The following TAMM41 variants were observed in gnomAD, a reference collection of about 807,000 sequenced individuals.
TAMM41 encodes the protein TAM41 mitochondrial translocator assembly and maintenance homolog.
Under a neutral mutation model 44.1 loss-of-function variants are expected in TAMM41, and 36 were observed. That is an observed-to-expected ratio of 0.82 (90% CI 0.63 to 1.08). The LOEUF is 1.08. Ranked by LOEUF, TAMM41 falls within the 50% of genes least tolerant of loss-of-function variation. The probability of loss-of-function intolerance (pLI) is 0.00; values close to 1 mark genes in which losing one functional copy is unlikely to be tolerated. For missense variants in TAMM41, 417 were observed against 404.3 expected (o/e 1.03, Z -0.27); for synonymous variants, 164 against 153.1 (o/e 1.07, Z -0.53).
intron 7 of TAMM41, among the ~76,000 whole-genome samples, chr3:11,803,061 C>T (rs1044671671): frequency 3.3e-5 from 5 of 152,214 alleles, no homozygotes; most frequent in African/African-American, 1.2e-4. Context: ...CACTTGAGAT[C>T]AGGAATTCAA....
chr3:11,764,486 C>CTTTTTTTTTTTTTTTTTTTTTTTTT, the TAMM41 span, among the ~76,000 whole-genome samples: 4 of 68,138 alleles, frequency 5.9e-5, 1 homozygote, highest in African/African-American at 2.7e-4. Flanking sequence ...TAATCTTATT[C>CTTTTTTTTTTTTTTTTTTTTTTTTT]TTTTTTTTTT....
At chr3:11,732,893 G>A in the TAMM41 span, among the ~76,000 whole-genome samples, 7 of 152,138 alleles carry the variant, frequency 4.6e-5, no homozygotes, top group Admixed American at 3.3e-4. Context: ...GAAAAACCTG[G>A]GAAGTGGTCT....
At chr3:11,790,655 T>C in intron 7 of TAMM41, 74 bp from the exon 8 acceptor site, 1 of 1,334,128 alleles carries the variant, frequency 7.5e-7, no homozygotes. Context: ...AGTGACATTC[T>C]GAGCAGACTT....
intron 4 of TAMM41, among the ~76,000 whole-genome samples, chr3:11,829,280 G>T (rs1419298889): frequency 6.6e-6 from 1 of 152,138 alleles, no homozygotes; most frequent in Non-Finnish European, 1.5e-5. Context: ...TCAACTGTCT[G>T]GGGTAGGGCC....
At chr3:11,732,256 TTTCC>T in the TAMM41 span, among the ~76,000 whole-genome samples, 1 of 152,166 alleles carries the variant, frequency 6.6e-6, no homozygotes, top group East Asian at 1.9e-4. Flanking sequence ...TCTTTCCCTT[TTTCC>T]TTCCTTCCTC....
the TAMM41 span, among the ~76,000 whole-genome samples, chr3:11,753,095 T>C: frequency 6.6e-6 from 1 of 151,760 alleles, no homozygotes. Flanking sequence ...GATGAAGTGA[T>C]GGGGGAATGG....
the TAMM41 span, among the ~76,000 whole-genome samples, chr3:11,752,374 G>C: frequency 6.6e-6 from 1 of 152,050 alleles, no homozygotes; most frequent in Non-Finnish European, 1.5e-5. Flanking sequence ...CTGGTGGGGG[G>C]TGGCCAGCTT....
the TAMM41 span, among the ~76,000 whole-genome samples, chr3:11,742,915 C>T: frequency 1.3e-5 from 2 of 152,022 alleles, no homozygotes; most frequent in Non-Finnish European, 2.9e-5. Flanking sequence ...TTTTTGAACC[C>T]CTTCCTATGA....
At chr3:11,744,270 G>A in the TAMM41 span, among the ~76,000 whole-genome samples, 1 of 151,966 alleles carries the variant, frequency 6.6e-6, no homozygotes, top group Non-Finnish European at 1.5e-5. Context: ...ATTTCCCCAT[G>A]TTGGCCAAGC....
the TAMM41 span, among the ~76,000 whole-genome samples, chr3:11,738,395 GT>G: frequency 6.6e-6 from 1 of 152,190 alleles, no homozygotes; most frequent in Non-Finnish European, 1.5e-5. Flanking sequence ...TTTTAGGAAA[GT>G]TGTATTAAAC....
chr3:11,817,870 T>C (rs1057390308), intron 4 of TAMM41, among the ~76,000 whole-genome samples: 33 of 152,334 alleles, frequency 2.2e-4, no homozygotes, highest in African/African-American at 7.7e-4. Context: ...TAAGATGAAA[T>C]TGAAAACAGA....
intron 4 of TAMM41, among the ~76,000 whole-genome samples, chr3:11,817,660 C>T (rs1050216409): frequency 1.3e-5 from 2 of 152,168 alleles, no homozygotes; most frequent in African/African-American, 4.8e-5. Flanking sequence ...AAAGTCTTGT[C>T]TTATGGGCCA....
At chr3:11,739,664 T>C in the TAMM41 span, among the ~76,000 whole-genome samples, 2 of 70,564 alleles carry the variant, frequency 2.8e-5, no homozygotes. Flanking sequence ...AGAACAAGAC[T>C]CCATCTCAAA....
At chr3:11,805,935 T>C (rs954563490) in intron 7 of TAMM41, among the ~76,000 whole-genome samples, 2 of 152,326 alleles carry the variant, frequency 1.3e-5, no homozygotes. Context: ...GGTAATTGAA[T>C]CACGAAGGCA....
the TAMM41 span, among the ~76,000 whole-genome samples, chr3:11,768,018 G>A: frequency 9.2e-5 from 14 of 151,420 alleles, no homozygotes; most frequent in East Asian, 3.9e-4. Context: ...GGGGTGAATA[G>A]GTGTGAAGTG....
rs143393134 is a variant in TAMM41 at position 11,810,004 on chromosome 3, T to C, written c.709-322A>G. On this transcript the variant is annotated intron_variant, in intron 5 of 7. Transcript: ENST00000455809. ...TCTTAAATCCAGCAGTCAAAGGAAG[T>C]GGTGCTGCAGTTGACACTCGTGGAG... is the stretch of plus-strand genomic sequence containing the variant. 4.0e-3 allele frequency: 912 copies of C among 225,618 alleles called. 13 individuals are homozygous for C. Among genetic ancestry groups the C allele is most frequent in the African/African-American group, 0.02 (875 of 42,970 alleles). 14.0% of individuals were successfully genotyped at this position (225,618 alleles called of 1,614,324 possible). A position where few individuals can be genotyped will look rare whatever the true frequency, so the allele number is the denominator to read the frequency against.
chr3:11,824,818 C>A lies in TAMM41; in HGVS notation c.562+4896G>T, dbSNP rs142730299. On this transcript the variant is annotated intron_variant, in intron 4 of 7. Coordinates refer to ENST00000455809, the MANE Select transcript of TAMM41 (RefSeq NM_001284401.2). The stretch of plus-strand genomic sequence containing the variant: ...TGGTGGAACAAAGACCAAAGATCAG[C>A]CAGCCAACCAACAATAAGATACAGT... 5.4e-3 allele frequency among the ~76,000 whole-genome samples: 818 copies of A among 152,250 alleles called. 4 individuals carry two copies. The highest frequency in any genetic ancestry group is 0.019 in the African/African-American group (776 of 41,538).
At chr3:11,807,101 A>C in intron 7 of TAMM41, 1 of 893,402 alleles carries the variant, frequency 1.1e-6, no homozygotes, top group Non-Finnish European at 1.3e-6. Flanking sequence ...CCAAAATGAG[A>C]GTGTGCACCA....
intron 7 of TAMM41, among the ~76,000 whole-genome samples, chr3:11,793,748 A>T (rs915230651): frequency 6.6e-6 from 1 of 152,158 alleles, no homozygotes; most frequent in Non-Finnish European, 1.5e-5. Flanking sequence ...ATACATGGTT[A>T]AAAAATGGGT....
Sources: allele counts gnomAD v4.1 joint callset (sites outside exome capture counted in the v4.1 genomes callset), GRCh38; gene constraint gnomAD v4.1.1; transcripts MANE v1.5; gene names NCBI Gene and HGNC (gene_info 2026-07-23, HGNC 2026-07-21).